GRIN3A: variants seen among roughly 807,000 people sequenced by gnomAD.
GRIN3A encodes glutamate receptor ionotropic, NMDA 3A.
Under a neutral mutation model 92.4 loss-of-function variants are expected in GRIN3A, and 47 were observed. The ratio of observed to expected loss-of-function variants is 0.51; its 90% confidence interval spans 0.40 to 0.65. The LOEUF is 0.65. GRIN3A is among the 30% of genes least tolerant of loss of function. GRIN3A has a pLI of 0.00. For synonymous variants in GRIN3A, 527 were observed against 540.6 expected, an observed-to-expected ratio of 0.97 and a Z score of 0.35; for missense variants, 1,324 against 1,393.1, an observed-to-expected ratio of 0.95 and a Z score of 0.79.
At position 101,573,362 on chromosome 9, in the gene GRIN3A, C is replaced by G; in HGVS notation, c.3160G>C (p.Glu1054Gln). The G allele has an allele frequency of 1.9e-6, 3 of 1,614,044 alleles. No individual in the cohort carries two copies. Among genetic ancestry groups the G allele is most frequent in the Non-Finnish European group, 2.5e-6 (3 of 1,179,980 alleles). Residue 1054 changes from glutamate to glutamine, a missense_variant, in exon 9 of 9, where the codon GAG becomes CAG. Glu to Gln is a conservative substitution (Grantham distance 29). Coordinates refer to ENST00000361820, the MANE Select transcript of GRIN3A (RefSeq NM_133445.3). Reference protein sequence around the residue: ...QDIPLPPRRRELPALRTTNGK... With the variant: ...QDIPLPPRRRQLPALRTTNGK... ...TTGGTGGTCCGCAAGGCAGGGAGCTCTCTTCTCCTTGGAGGGAGGGGGATG... is the reference window on the plus strand; with the variant it reads ...TTGGTGGTCCGCAAGGCAGGGAGCTGTCTTCTCCTTGGAGGGAGGGGGATG...
intron 3 of GRIN3A, among the ~76,000 whole-genome samples, chr9:101,661,790 A>G (rs1301443308): frequency 6.6e-6 from 1 of 151,858 alleles, no homozygotes; most frequent in East Asian, 1.9e-4. Flanking sequence ...GGCCAAAATG[A>G]TTTATGAGCA....
At chr9:101,625,866 G>A (rs1389280399) in intron 4 of GRIN3A, among the ~76,000 whole-genome samples, 2 of 152,226 alleles carry the variant, frequency 1.3e-5, no homozygotes, top group Non-Finnish European at 2.9e-5. Flanking sequence ...ACAAATATTT[G>A]TGGTAGCAAT....
At chr9:101,594,351 C>G in intron 6 of GRIN3A, 2 of 1,528,934 alleles carry the variant, frequency 1.3e-6, no homozygotes, top group Non-Finnish European at 1.8e-6. Context: ...TTGAGCAAAT[C>G]TTGAAAGAGA....
At chr9:101,691,446 C>T (rs1039248058) in intron 1 of GRIN3A, among the ~76,000 whole-genome samples, 3 of 151,862 alleles carry the variant, frequency 2.0e-5, no homozygotes, top group East Asian at 1.9e-4. Context: ...TTGGGAGAGA[C>T]GAGTATTTGT....
At chr9:101,730,835 T>G (rs1178005095) in intron 1 of GRIN3A, among the ~76,000 whole-genome samples, 1 of 152,102 alleles carries the variant, frequency 6.6e-6, no homozygotes, top group African/African-American at 2.4e-5. Flanking sequence ...ACAACTTATC[T>G]TTTTTCTCTT....
intron 2 of GRIN3A, among the ~76,000 whole-genome samples, chr9:101,673,952 C>T (rs1019283754): frequency 3.3e-5 from 5 of 152,046 alleles, no homozygotes; most frequent in African/African-American, 9.7e-5. Context: ...AGAGCACCTG[C>T]ACATTCTACT....
chr9:101,587,011 G>A (rs184523007), intron 6 of GRIN3A, among the ~76,000 whole-genome samples: 1 of 152,168 alleles, frequency 6.6e-6, no homozygotes, highest in African/African-American at 2.4e-5. Context: ...TTTTGCTTAA[G>A]TTTAAAAATC....
At position 101,670,708 on chromosome 9, in the gene GRIN3A, C is replaced by T. The variant is rs761413277; in HGVS notation, c.1704G>A (p.Val568=). The change falls in exon 3 of 9, where the codon GTG becomes GTA. Residue 568 remains valine (V), a synonymous_variant. Transcript: ENST00000361820. The part of the protein sequence containing the change: ...FSSLHSSNDT[V]PIKFKKCCYG... Reference sequence around the variant, plus strand: ...AGCAGCACTTCTTGAATTTAATGGGCACTGTATCATTACTGCTATGGAGGC... The same window carrying T: ...AGCAGCACTTCTTGAATTTAATGGGTACTGTATCATTACTGCTATGGAGGC... 8.1e-6 allele frequency: 13 copies of T among 1,613,908 alleles called. No homozygotes were observed. In the South Asian group the frequency reaches 9.9e-5, roughly 12 times the overall value.
At chr9:101,644,523 A>G (rs1290885460) in intron 3 of GRIN3A, among the ~76,000 whole-genome samples, 1 of 151,644 alleles carries the variant, frequency 6.6e-6, no homozygotes, top group African/African-American at 2.4e-5. Context: ...GGTAAAATGG[A>G]ATGAAAATAA....
intron 3 of GRIN3A, among the ~76,000 whole-genome samples, chr9:101,653,476 A>G (rs1442557847): frequency 6.6e-6 from 1 of 151,946 alleles, no homozygotes; most frequent in East Asian, 1.9e-4. Context: ...TGTCCATTGT[A>G]AATTGCACAT....
intron 3 of GRIN3A, among the ~76,000 whole-genome samples, chr9:101,635,021 T>G (rs950238824): frequency 2.6e-5 from 4 of 152,246 alleles, no homozygotes; most frequent in African/African-American, 9.6e-5. Context: ...GTACATCTTA[T>G]GCTGCAGTTC....
intron 1 of GRIN3A, among the ~76,000 whole-genome samples, chr9:101,696,067 T>C (rs1383773195): frequency 6.6e-6 from 1 of 152,164 alleles, no homozygotes; most frequent in Non-Finnish European, 1.5e-5. Context: ...GTAAAATACA[T>C]CAGAGACTAT....
chr9:101,709,839 T>C (rs145468594), intron 1 of GRIN3A, among the ~76,000 whole-genome samples: 2,249 of 152,290 alleles, frequency 0.015, 35 homozygotes, highest in Middle Eastern at 0.037. Context: ...TGAAACACTC[T>C]AGCCTGACTC....
At chr9:101,703,321 GC>G in intron 1 of GRIN3A, among the ~76,000 whole-genome samples, 1 of 152,254 alleles carries the variant, frequency 6.6e-6, no homozygotes, top group South Asian at 2.1e-4. Flanking sequence ...CCTGGTGGTT[GC>G]TGCTCCATCT....
At chr9:101,618,637 AAAAC>A (rs1828502833) in intron 5 of GRIN3A, among the ~76,000 whole-genome samples, 1 of 152,222 alleles carries the variant, frequency 6.6e-6, no homozygotes, top group African/African-American at 2.4e-5. Flanking sequence ...TTAGCTAATG[AAAAC>A]AAACTATGCA....
rs527921633 is a variant in GRIN3A, at chr9:101,628,875, T to C, written c.2353-474A>G. ...TTTGTGTTTAGCCACCTTTAGGCTATATTACATTTTGTTTATTGAATTTAT... is the reference window on the plus strand; with the variant it reads ...TTTGTGTTTAGCCACCTTTAGGCTACATTACATTTTGTTTATTGAATTTAT... On this transcript the variant is annotated intron_variant, in intron 3 of 8. Coordinates refer to ENST00000361820, the MANE Select transcript of GRIN3A (RefSeq NM_133445.3). 1.5e-4 allele frequency among the ~76,000 whole-genome samples: 23 copies of C among 150,092 alleles called. No individual in the cohort carries two copies. The East Asian group carries it at 2.1e-3, about 14-fold the overall frequency.
At chr9:101,619,027 A>C (rs554572900) in intron 5 of GRIN3A, among the ~76,000 whole-genome samples, 9 of 152,354 alleles carry the variant, frequency 5.9e-5, no homozygotes, top group African/African-American at 2.2e-4. Context: ...AACAGTTTTC[A>C]GAATAGAATC....
At chr9:101,643,089 G>C (rs1193135644) in intron 3 of GRIN3A, among the ~76,000 whole-genome samples, 4 of 152,086 alleles carry the variant, frequency 2.6e-5, no homozygotes, top group African/African-American at 9.7e-5. Flanking sequence ...TGGAAAAATT[G>C]CCTTTCATGA....
rs116359700 is a variant in GRIN3A at position 101,698,214 on chromosome 9, C to T, written c.700-11014G>A. On this transcript the variant is annotated intron_variant, in intron 1 of 8. Transcript: ENST00000361820. The stretch of plus-strand genomic sequence containing the variant: ...GTAAGAATCCTGAAATTATTTCTGC[C>T]TGAAATTGTTTGCTATTTAATATCC... Among the ~76,000 whole-genome samples the T allele has an allele frequency of 1.5e-3, 230 of 152,254 alleles. 4 individuals are homozygous for T. The highest frequency in any genetic ancestry group is 5.4e-3 in the African/African-American group (224 of 41,552).
Sources: gnomAD v4.1 joint callset for allele counts (sites outside exome capture counted in the v4.1 genomes callset) on GRCh38, gnomAD v4.1.1 for gene constraint, MANE v1.5 for transcripts, NCBI Gene and HGNC (gene_info 2026-07-23, HGNC 2026-07-21) for gene names.